MYLK: variants seen among roughly 807,000 people sequenced by gnomAD.
MYLK encodes the protein myosin light chain kinase, smooth muscle.
A neutral mutation model predicts 203.4 loss-of-function variants in MYLK; 106 were observed. That is an observed-to-expected ratio of 0.52 (90% confidence interval 0.45 to 0.61). The LOEUF (loss-of-function observed/expected upper bound fraction) is 0.61. MYLK is among the 20% of genes least tolerant of loss of function. The probability of loss-of-function intolerance (pLI) is 0.00; values close to 1 mark genes in which losing one functional copy is unlikely to be tolerated. For missense variants in MYLK, 2,072 were observed against 2,442.3 expected (o/e 0.85, Z 3.20); for synonymous variants, 867 against 959.5 (o/e 0.90, Z 1.78).
intron 22 of MYLK, among the ~76,000 whole-genome samples, chr3:123,665,278 C>G (rs2059699097): frequency 6.6e-6 from 1 of 152,202 alleles, no homozygotes. Flanking sequence ...ACACTTTCAT[C>G]AGGGCAGAAA....
intron 18 of MYLK, 126 bp from the exon 19 acceptor site, chr3:123,692,977 G>A: frequency 1.3e-6 from 1 of 797,722 alleles, no homozygotes; most frequent in Non-Finnish European, 2.2e-6. Flanking sequence ...GAGGCCTTGT[G>A]GGAACCAATC....
At chr3:123,827,398 C>T (rs1705369464) in intron 3 of MYLK, among the ~76,000 whole-genome samples, 1 of 151,712 alleles carries the variant, frequency 6.6e-6, no homozygotes, top group South Asian at 2.1e-4. Flanking sequence ...ATTTTGAAAG[C>T]ATCAAGAGAA....
chr3:123,665,019 G>C (rs1360590253), intron 22 of MYLK, among the ~76,000 whole-genome samples: 1 of 152,192 alleles, frequency 6.6e-6, no homozygotes, highest in Non-Finnish European at 1.5e-5. Flanking sequence ...CTGGGATGAT[G>C]AAAGTATTCT....
chr3:123,759,930 T>C (rs2063481750), intron 4 of MYLK, among the ~76,000 whole-genome samples: 3 of 152,176 alleles, frequency 2.0e-5, no homozygotes. Flanking sequence ...CGCTCAGGTA[T>C]ATGAGACAAT....
At chr3:123,652,380 T>G (rs982605922) in intron 24 of MYLK, among the ~76,000 whole-genome samples, 8 of 152,222 alleles carry the variant, frequency 5.3e-5, no homozygotes, top group Middle Eastern at 6.4e-3. Flanking sequence ...GAGATATTTC[T>G]GCAAACAGAT....
At chr3:123,674,577 T>G (rs1041471419) in intron 20 of MYLK, among the ~76,000 whole-genome samples, 3 of 152,212 alleles carry the variant, frequency 2.0e-5, no homozygotes, top group African/African-American at 7.2e-5. Context: ...TTCTCAAAAT[T>G]TAGCCTACAT....
At chr3:123,827,625 C>G (rs913036107) in intron 3 of MYLK, among the ~76,000 whole-genome samples, 1 of 142,538 alleles carries the variant, frequency 7.0e-6, no homozygotes, top group Non-Finnish European at 1.5e-5. Context: ...GAATTCATCA[C>G]CACTAAACTG....
intron 5 of MYLK, among the ~76,000 whole-genome samples, chr3:123,749,717 G>T (rs1054558891): frequency 1.3e-5 from 2 of 152,174 alleles, no homozygotes; most frequent in Non-Finnish European, 2.9e-5. Context: ...GCTTATCCTT[G>T]TACCACACTG....
chr3:123,840,398 C>G (rs1373852147), intron 2 of MYLK, among the ~76,000 whole-genome samples: 8 of 147,308 alleles, frequency 5.4e-5, no homozygotes, highest in Non-Finnish European at 1.0e-4. Flanking sequence ...ATATATGAAT[C>G]CATATATATA....
intron 29 of MYLK, 94 bp downstream of exon 29, chr3:123,637,977 C>G: frequency 6.4e-7 from 1 of 1,571,904 alleles, no homozygotes; most frequent in South Asian, 1.1e-5. Flanking sequence ...ATGACAATGG[C>G]AGGGCAGCCT....
chr3:123,618,568 G>T, intron 33 of MYLK, 71 bp downstream of exon 33: 1 of 1,600,924 alleles, frequency 6.2e-7, no homozygotes, highest in Non-Finnish European at 8.5e-7. Flanking sequence ...TCTTGCCCAC[G>T]GTGCATGGTA....
At chr3:123,616,736 C>G (rs1300627216) in intron 33 of MYLK, 2 of 152,102 alleles carry the variant, frequency 1.3e-5, no homozygotes, top group South Asian at 2.1e-4. Context: ...TCATGCGGAT[C>G]TGGTTGTTAA....
chr3:123,629,571 C>T lies in MYLK; in HGVS notation c.5017G>A (p.Val1673Ile), dbSNP rs764447883. 1.1e-5 allele frequency: 17 copies of T among 1,614,034 alleles called. No homozygotes were observed. The highest frequency in any genetic ancestry group is 9.3e-5 in the African/African-American group (7 of 74,904). ...GDNDNETLAN[V>I]TSATWDFDDE... is the part of the protein sequence containing the mutation. ...TCGAAGTCCCAGGTGGCTGAGGTAA[C>T]GTTGGCCAAGGTTTCGTTATCGTTG... The change falls in exon 30 of 34, where the codon GTT becomes ATT. Residue 1673 changes from valine to isoleucine, a missense_variant. By Grantham distance (29) the Val-to-Ile change is conservative (BLOSUM62 3). This residue lies in a region of MYLK where 524 missense variants were observed against 782.4 expected (regional missense o/e 0.67). Coordinates refer to ENST00000360304, the MANE Select transcript of MYLK (RefSeq NM_053025.4). The surrounding 1 kb of genome is among the most constrained non-coding windows in gnomAD (Gnocchi z 4.4).
In MYLK at chr3:123,647,263, G is replaced by A. The variant is rs34982967; in HGVS notation, c.4580C>T (p.Ala1527Val). ...HHPKLVQCVDAFEEKANIVMV... is the reference protein window; with the variant it reads ...HHPKLVQCVDVFEEKANIVMV... ...GACGATGTTGGCCTTTTCTTCAAAG[G>A]CATCCACACACTGGACCAGCTTAGG... Residue 1527 changes from alanine to valine, a missense_variant, in exon 27 of 34, where the codon GCC (alanine) becomes GTC (valine). Ala to Val is a moderately conservative substitution (Grantham distance 64, BLOSUM62 0). Transcript: ENST00000360304. 6.2e-7 allele frequency: 1 copy of A among 1,614,228 alleles called. No homozygotes were observed. The highest frequency in any genetic ancestry group is 8.5e-7 in the Non-Finnish European group (1 of 1,180,032).
chr3:123,832,440 T>C (rs1480059351), intron 2 of MYLK, among the ~76,000 whole-genome samples: 1 of 152,204 alleles, frequency 6.6e-6, no homozygotes. Flanking sequence ...CCCATCCAGA[T>C]GGTGTGTTAA....
chr3:123,868,898 G>T, intron 2 of MYLK, among the ~76,000 whole-genome samples: 1 of 152,164 alleles, frequency 6.6e-6, no homozygotes, highest in East Asian at 1.9e-4. Context: ...GGTAGCAGGG[G>T]ATTAACATTG....
At chr3:123,803,708 T>C (rs570546278) in intron 3 of MYLK, among the ~76,000 whole-genome samples, 1 of 152,260 alleles carries the variant, frequency 6.6e-6, no homozygotes, top group East Asian at 1.9e-4. Flanking sequence ...AGACTTCTGT[T>C]GGGGCTCCCT....
chr3:123,639,769 T>C (rs899061895), intron 28 of MYLK, among the ~76,000 whole-genome samples: 6 of 152,160 alleles, frequency 3.9e-5, no homozygotes, highest in African/African-American at 1.4e-4. Flanking sequence ...GGCAAAGCTA[T>C]TGTGAACCTT....
At chr3:123,846,783 C>G (rs1366366609) in intron 2 of MYLK, among the ~76,000 whole-genome samples, 1 of 151,898 alleles carries the variant, frequency 6.6e-6, no homozygotes, top group African/African-American at 2.4e-5. Flanking sequence ...TATTAAGGAT[C>G]TCTTTTTTTT....
Sources: allele counts gnomAD v4.1 joint callset (sites outside exome capture counted in the v4.1 genomes callset), GRCh38; gene constraint gnomAD v4.1.1; regional missense constraint gnomAD v4.1.1; non-coding constraint Gnocchi (gnomAD v3.1); transcripts MANE v1.5; gene names NCBI Gene and HGNC (gene_info 2026-07-23, HGNC 2026-07-21).